The following CAMKMT variants were observed in gnomAD, a reference collection of about 807,000 sequenced individuals.
CAMKMT encodes the protein CaM KMT.
Under a neutral mutation model 48.0 loss-of-function variants are expected in CAMKMT, and 53 were observed. The observed-to-expected ratio is 1.10, with a 90% CI of 0.89 to 1.39. The LOEUF is 1.39. CAMKMT is among the 40% of genes most tolerant of loss of function. The pLI is 0.00. For missense variants in CAMKMT, 428 were observed against 402.7 expected, an observed-to-expected ratio of 1.06 and a Z score of -0.54; for synonymous variants, 165 against 152.3, an observed-to-expected ratio of 1.08 and a Z score of -0.61.
intron 3 of CAMKMT, among the ~76,000 whole-genome samples, chr2:44,523,804 G>A (rs1671257802): frequency 7.7e-6 from 1 of 129,038 alleles, no homozygotes; most frequent in South Asian, 2.6e-4. Context: ...TTGAGATGGA[G>A]TCTCGCCCTG....
chr2:44,742,081 TAG>T (rs199647602), intron 7 of CAMKMT, among the ~76,000 whole-genome samples: 1,708 of 152,298 alleles, frequency 0.011, 7 homozygotes, highest in Non-Finnish European at 0.018. Flanking sequence ...GTTCAAGTCT[TAG>T]ACTCTAAAAC....
intron 7 of CAMKMT, among the ~76,000 whole-genome samples, chr2:44,722,496 A>G (rs1470192191): frequency 3.3e-5 from 5 of 152,136 alleles, no homozygotes; most frequent in Non-Finnish European, 7.4e-5. Context: ...AGTTTGTCTT[A>G]TCTTTTGAAC....
intron 3 of CAMKMT, among the ~76,000 whole-genome samples, chr2:44,430,389 T>A (rs1684576850): frequency 6.6e-6 from 1 of 151,820 alleles, no homozygotes; most frequent in Non-Finnish European, 1.5e-5. Context: ...TCATGTGTGA[T>A]GAAGTGAAAT....
intron 3 of CAMKMT, among the ~76,000 whole-genome samples, chr2:44,582,882 A>G (rs1345901681): frequency 2.0e-5 from 3 of 152,280 alleles, no homozygotes; most frequent in Admixed American, 6.5e-5. Context: ...AGTTTCTAGC[A>G]TTGTAAGCTT....
chr2:44,616,503 C>CAT (rs1671896389), intron 3 of CAMKMT, among the ~76,000 whole-genome samples: 2 of 151,270 alleles, frequency 1.3e-5, no homozygotes, highest in Admixed American at 6.6e-5. Context: ...TATTACAAGC[C>CAT]ATATATATAC....
chr2:44,532,634 A>G (rs548408028), intron 3 of CAMKMT, among the ~76,000 whole-genome samples: 2 of 152,304 alleles, frequency 1.3e-5, no homozygotes, highest in South Asian at 2.1e-4. Flanking sequence ...ATACTTTCCA[A>G]TGGGAAAGCA....
intron 7 of CAMKMT, among the ~76,000 whole-genome samples, chr2:44,721,628 G>T (rs556554847): frequency 2.1e-4 from 32 of 152,294 alleles, no homozygotes; most frequent in African/African-American, 7.7e-4. Flanking sequence ...TCACAGAGTT[G>T]TGCAAGCATC....
intron 3 of CAMKMT, among the ~76,000 whole-genome samples, chr2:44,565,422 T>G (rs1407339083): frequency 6.6e-6 from 1 of 152,140 alleles, no homozygotes; most frequent in Non-Finnish European, 1.5e-5. Flanking sequence ...TCTCTCCTTT[T>G]GAAAAATGAA....
intron 3 of CAMKMT, among the ~76,000 whole-genome samples, chr2:44,489,184 G>A (rs698820): frequency 0.74 from 111,932 of 150,486 alleles, 41,785 homozygotes; most frequent in South Asian, 0.88. Context: ...AATTTTTGAC[G>A]TTTTTAAAAT....
chr2:44,574,300 G>C (rs1270880114), intron 3 of CAMKMT, among the ~76,000 whole-genome samples: 1 of 152,180 alleles, frequency 6.6e-6, no homozygotes, highest in African/African-American at 2.4e-5. Context: ...GGGTGAGGTA[G>C]GGTAGGTATG....
intron 3 of CAMKMT, among the ~76,000 whole-genome samples, chr2:44,685,764 A>G (rs1676300980): frequency 6.6e-6 from 1 of 152,204 alleles, no homozygotes; most frequent in African/African-American, 2.4e-5. Context: ...GAAAGTATTA[A>G]TTGAATAGGA....
intron 3 of CAMKMT, among the ~76,000 whole-genome samples, chr2:44,656,801 C>A (rs956928017): frequency 1.3e-5 from 2 of 151,722 alleles, no homozygotes; most frequent in African/African-American, 4.9e-5. Flanking sequence ...GCAGAGATGA[C>A]CTTCTGACAG....
intron 3 of CAMKMT, among the ~76,000 whole-genome samples, chr2:44,622,266 T>TA (rs1672240822): frequency 6.6e-6 from 1 of 152,360 alleles, no homozygotes; most frequent in East Asian, 1.9e-4. Context: ...TTTTAGCTTT[T>TA]AAAAAATCAA....
intron 3 of CAMKMT, among the ~76,000 whole-genome samples, chr2:44,401,921 G>A (rs1682406964): frequency 6.6e-6 from 1 of 152,072 alleles, no homozygotes; most frequent in Non-Finnish European, 1.5e-5. Flanking sequence ...AAATTCCATG[G>A]CTTCCTTTTT....
chr2:44,619,578 G>A (rs148166491), intron 3 of CAMKMT, among the ~76,000 whole-genome samples: 36 of 152,100 alleles, frequency 2.4e-4, no homozygotes, highest in African/African-American at 8.7e-4. Flanking sequence ...CTATCACTTG[G>A]CAATTGCCGA....
chr2:44,613,702 C>T (rs1321528509), intron 3 of CAMKMT, among the ~76,000 whole-genome samples: 2 of 152,142 alleles, frequency 1.3e-5, no homozygotes, highest in Non-Finnish European at 2.9e-5. Context: ...ATCTCATTAA[C>T]CCTCATGATA....
At chr2:44,410,760 G>A (rs1311327086) in intron 3 of CAMKMT, among the ~76,000 whole-genome samples, 1 of 152,130 alleles carries the variant, frequency 6.6e-6, no homozygotes, top group South Asian at 2.1e-4. Flanking sequence ...AAGAGTAATT[G>A]TCTGATACTA....
intron 3 of CAMKMT, among the ~76,000 whole-genome samples, chr2:44,691,066 A>G (rs1399179768): frequency 1.3e-5 from 2 of 152,188 alleles, no homozygotes; most frequent in African/African-American, 2.4e-5. Context: ...AGTCTATAGT[A>G]TGGAGTAGGT....
At chr2:44,520,350 C>T (rs1209288125) in intron 3 of CAMKMT, among the ~76,000 whole-genome samples, 3 of 152,120 alleles carry the variant, frequency 2.0e-5, no homozygotes, top group Non-Finnish European at 4.4e-5. Context: ...CTATCTCAGC[C>T]TCCCGATCCG....
Sources: gnomAD v4.1 joint callset for allele counts (sites outside exome capture counted in the v4.1 genomes callset) on GRCh38, gnomAD v4.1.1 for gene constraint, MANE v1.5 for transcripts, NCBI Gene and HGNC (gene_info 2026-07-23, HGNC 2026-07-21) for gene names.